Variants in DAB1 observed in about 807,000 individuals in gnomAD.
DAB1 encodes the protein disabled homolog 1.
Under a neutral mutation model 64.6 loss-of-function variants are expected in DAB1, and 15 were observed. That is an observed-to-expected ratio of 0.23 (90% CI 0.16 to 0.36). The LOEUF is 0.36. Ranked by LOEUF, DAB1 falls within the 10% of genes least tolerant of loss-of-function variation. DAB1 has a pLI of 1.00. For synonymous variants in DAB1, 235 were observed against 251.9 expected, an observed-to-expected ratio of 0.93 and a Z score of 0.64; for missense variants, 596 against 706.7, an observed-to-expected ratio of 0.84 and a Z score of 1.78.
At chr1:58,384,385 T>C (rs901365977) in intron 3 of DAB1, among the ~76,000 whole-genome samples, 2 of 152,200 alleles carry the variant, frequency 1.3e-5, no homozygotes, top group African/African-American at 4.8e-5. Context: ...TGAGGAGTTG[T>C]TGTTTAATGG....
chr1:57,035,339 G>C (rs1647106440), intron 9 of DAB1, among the ~76,000 whole-genome samples: 1 of 152,078 alleles, frequency 6.6e-6, no homozygotes, highest in Non-Finnish European at 1.5e-5. Context: ...GAGCATGATG[G>C]ATGAATTAAA....
intron 4 of DAB1, among the ~76,000 whole-genome samples, chr1:58,229,336 T>C (rs1196912758): frequency 6.6e-6 from 1 of 152,050 alleles, no homozygotes; most frequent in Non-Finnish European, 1.5e-5. Context: ...TTTTGAAAAA[T>C]AGGTACGAGT....
chr1:57,458,109 G>A lies in DAB1; in HGVS notation n.626-166943C>T, dbSNP rs1368080251. On this transcript the variant is annotated intron_variant and non_coding_transcript_variant, in intron 7 of 20. Coordinates refer to the DAB1 transcript ENST00000485760. The stretch of plus-strand genomic sequence containing the variant: ...TGTTTGTGTGTGTGCTCCCCTTCCA[G>A]TAATACATTTCATATGTAAGTATAT... Among the ~76,000 whole-genome samples, 3 of 152,008 alleles carry A rather than the reference G, an allele frequency of 2.0e-5. No individual in the cohort carries two copies. In the East Asian group the frequency reaches 5.8e-4, roughly 29 times the overall value.
intron 3 of DAB1, among the ~76,000 whole-genome samples, chr1:57,139,307 A>C (rs1047789092): frequency 6.6e-6 from 1 of 152,116 alleles, no homozygotes; most frequent in Non-Finnish European, 1.5e-5. Context: ...AGGATACAGC[A>C]TGTATCCACT....
chr1:58,535,069 A>C (rs1368167921), intron 1 of DAB1, among the ~76,000 whole-genome samples: 1 of 152,234 alleles, frequency 6.6e-6, no homozygotes, highest in Non-Finnish European at 1.5e-5. Context: ...TAAACTACCA[A>C]AATAGACATT....
intron 4 of DAB1, chr1:58,228,697 C>G: frequency 8.8e-7 from 1 of 1,140,336 alleles, no homozygotes; most frequent in Non-Finnish European, 1.3e-6. Context: ...TACCTCTTAG[C>G]CTTGCCCTGG....
Position 57,304,610 on chromosome 1 carries a change from A to G in DAB1, c.-136-13444T>C, listed in dbSNP as rs148442040. 1.6e-4 allele frequency among the ~76,000 whole-genome samples: 25 copies of G among 152,328 alleles called. 1 individual carries two copies. In the East Asian group the frequency reaches 4.6e-3, roughly 28 times the overall value. ...CAGGGAAAATGGTACCTTACCCATA[A>G]GCGTTGCTGAGTAGAATAAATAAGG... On this transcript the variant is annotated intron_variant, in intron 1 of 14. Transcript: ENST00000371236.
At chr1:57,412,743 G>A (rs2101062600) in intron 1 of DAB1, among the ~76,000 whole-genome samples, 1 of 152,276 alleles carries the variant, frequency 6.6e-6, no homozygotes, top group Non-Finnish European at 1.5e-5. Context: ...GAAGACCTTG[G>A]TTCATGAATT....
chr1:57,390,728 G>A (rs764350028), intron 1 of DAB1, among the ~76,000 whole-genome samples: 6 of 152,116 alleles, frequency 3.9e-5, no homozygotes, highest in African/African-American at 1.4e-4. Flanking sequence ...GTTCTGACCC[G>A]TTTTCATTTC....
rs1648648595 is a variant in DAB1, at chr1:57,047,415, T to C, written c.723+15469A>G. On this transcript the variant is annotated intron_variant, in intron 9 of 14. Coordinates refer to ENST00000371236, the MANE Select transcript of DAB1 (RefSeq NM_001365792.1). ...GGGCCCTTTAGGAGGTAATTAGGGC[T>C]AGATTAGGTAAAGGGTGGTATCCTC... Among the ~76,000 whole-genome samples, 3 of 152,100 alleles carry C rather than the reference T, an allele frequency of 2.0e-5. No individual in the cohort carries two copies. In the South Asian group the frequency reaches 6.2e-4, roughly 32 times the overall value.
At chr1:57,773,087 C>T (rs1649632596) in intron 6 of DAB1, among the ~76,000 whole-genome samples, 2 of 152,026 alleles carry the variant, frequency 1.3e-5, no homozygotes, top group African/African-American at 4.8e-5. Flanking sequence ...TTCCCTAGAA[C>T]CTTCAGGACC....
intron 2 of DAB1, among the ~76,000 whole-genome samples, chr1:57,156,338 G>A (rs1406388626): frequency 6.6e-6 from 1 of 152,008 alleles, no homozygotes; most frequent in Non-Finnish European, 1.5e-5. Flanking sequence ...CCAGCCTTAT[G>A]GGCTAGGCAC....
intron 7 of DAB1, among the ~76,000 whole-genome samples, chr1:57,570,677 G>A (rs2101532549): frequency 6.6e-6 from 1 of 152,084 alleles, no homozygotes; most frequent in Non-Finnish European, 1.5e-5. Flanking sequence ...AATTCCATAT[G>A]AATTTTATCT....
At chr1:57,755,080 A>C (rs1648742725) in intron 6 of DAB1, among the ~76,000 whole-genome samples, 2 of 152,206 alleles carry the variant, frequency 1.3e-5, no homozygotes, top group Non-Finnish European at 2.9e-5. Context: ...AATTATATAT[A>C]GCTTCCAAGT....
chr1:57,281,801 G>C (rs1358607753), intron 2 of DAB1, among the ~76,000 whole-genome samples: 3 of 152,060 alleles, frequency 2.0e-5, no homozygotes, highest in African/African-American at 7.2e-5. Flanking sequence ...TCGGGGACGG[G>C]GGCCAGTGGG....
At chr1:57,572,963 C>T (rs752995549) in intron 7 of DAB1, among the ~76,000 whole-genome samples, 3 of 152,176 alleles carry the variant, frequency 2.0e-5, no homozygotes, top group Non-Finnish European at 4.4e-5. Context: ...TAAGGATCCA[C>T]TCTCATGACC....
intron 1 of DAB1, among the ~76,000 whole-genome samples, chr1:57,851,829 C>T (rs1653538442): frequency 6.6e-6 from 1 of 152,132 alleles, no homozygotes; most frequent in Non-Finnish European, 1.5e-5. Context: ...CACTTTGCAT[C>T]CTAGGTTCCT....
intron 1 of DAB1, among the ~76,000 whole-genome samples, chr1:58,544,518 C>T (rs1334389773): frequency 1.3e-5 from 2 of 152,178 alleles, no homozygotes; most frequent in Non-Finnish European, 2.9e-5. Flanking sequence ...TATTTCTGTG[C>T]AGTTCAAATT....
At chr1:57,534,638 C>T (rs537183358) in intron 7 of DAB1, among the ~76,000 whole-genome samples, 5 of 152,152 alleles carry the variant, frequency 3.3e-5, no homozygotes, top group African/African-American at 1.2e-4. Flanking sequence ...GGTCTTGGCT[C>T]TAAGAACAGG....
Sources: gnomAD v4.1 joint callset for allele counts (sites outside exome capture counted in the v4.1 genomes callset) on GRCh38, gnomAD v4.1.1 for gene constraint, MANE v1.5 for transcripts, NCBI Gene and HGNC (gene_info 2026-07-23, HGNC 2026-07-21) for gene names.